SYCP3: variants seen among roughly 807,000 people sequenced by gnomAD.
SYCP3 encodes synaptonemal complex protein 3.
In SYCP3, 29 loss-of-function variants were observed where a neutral mutation model predicts 38.5. That is an observed-to-expected ratio of 0.75 (90% CI 0.56 to 1.03). SYCP3 has a LOEUF of 1.03. Ranked by LOEUF, SYCP3 falls within the 50% of genes least tolerant of loss-of-function variation. SYCP3 has a pLI of 0.00. For missense variants in SYCP3, 242 were observed against 270.7 expected (o/e 0.89, Z 0.74); for synonymous variants, 79 against 80.3 (o/e 0.98, Z 0.08).
chr12:101,734,843 G>T, intron 5 of SYCP3, 84 bp downstream of exon 5: 3 of 979,706 alleles, frequency 3.1e-6, no homozygotes, highest in Non-Finnish European at 3.3e-6. Context: ...CCACCGTGCC[G>T]ATCCTAGAAT....
rs1594158366 is a variant in SYCP3, at chr12:101,729,371, C to A, written c.553-158G>T. On this transcript the variant is annotated intron_variant, in intron 7 of 8. Transcript: ENST00000392924. ...TAAGTAATACATGAATACCAAAATACCTACTAAAAAAGAAAAAATATAAGA... is the reference window on the plus strand; with the variant it reads ...TAAGTAATACATGAATACCAAAATAACTACTAAAAAAGAAAAAATATAAGA... 8.2e-6 allele frequency: 6 copies of A among 730,428 alleles called. No homozygotes were observed. The East Asian group carries it at 1.1e-4, about 14-fold the overall frequency. 45.2% of individuals were successfully genotyped at this position (730,428 alleles called of 1,614,324 possible). A position where few individuals can be genotyped will look rare whatever the true frequency, so the allele number is the denominator to read the frequency against.
chr12:101,733,698 T>C (rs770427429), intron 5 of SYCP3, 24 bp from the exon 6 acceptor site: 14 of 1,592,438 alleles, frequency 8.8e-6, no homozygotes, highest in Admixed American at 5.0e-5. Flanking sequence ...TGATGAATTA[T>C]TGTCATATTT....
Position 101,733,506 on chromosome 12 carries a change from CAAT to C in SYCP3, c.453+66_453+68del, listed in dbSNP as rs1352111807. 22 of 1,395,004 alleles carry C rather than the reference CAAT, an allele frequency of 1.6e-5. No homozygotes were observed. In the South Asian group the frequency reaches 2.4e-4, roughly 15 times the overall value. 86.4% of individuals were successfully genotyped at this position (1,395,004 alleles called of 1,614,324 possible). On this transcript the variant is annotated intron_variant, in intron 6 of 8. Coordinates refer to ENST00000392924, the MANE Select transcript of SYCP3 (RefSeq NM_001177949.2). ...AAACCTGGCTCAGTTCCACTGGTCA[CAAT>C]AAAAGGCTAGGTTGTCCATTCCTAC...
In SYCP3 at chr12:101,735,851, T is replaced by TTATA. The variant is rs1157750107; in HGVS notation, c.236-811_236-808dup. ...AAAACTATTTTTAATATAATCAATT[T>TTATA]TATATATATATATATATATATTTTT... On this transcript the variant is annotated intron_variant, in intron 4 of 8. Transcript: ENST00000392924. Among the ~76,000 whole-genome samples, 21 of 96,066 alleles carry TTATA rather than the reference T, an allele frequency of 2.2e-4. 1 individual carries two copies. Among genetic ancestry groups the TTATA allele is most frequent in the African/African-American group, 6.5e-4 (14 of 21,662 alleles). 63.0% of individuals were successfully genotyped at this position (96,066 alleles called of 152,430 possible).
At chr12:101,729,474 TAAA>T in intron 7 of SYCP3, 1 of 347,784 alleles carries the variant, frequency 2.9e-6, no homozygotes, top group Non-Finnish European at 5.2e-6. Context: ...AAGGTCAAGA[TAAA>T]AAAGACTGGA....
chr12:101,735,855 A>G (rs1422884441), intron 4 of SYCP3, among the ~76,000 whole-genome samples: 4 of 88,316 alleles, frequency 4.5e-5, no homozygotes, highest in Non-Finnish European at 6.6e-5. Context: ...TCAATTTTAT[A>G]TATATATATA....
At chr12:101,730,429 T>G (rs1002270109) in intron 7 of SYCP3, 3 of 411,228 alleles carry the variant, frequency 7.3e-6, no homozygotes, top group South Asian at 3.6e-5. Context: ...TCTCAGAGCA[T>G]TGGAACAAGA....
At chr12:101,735,526 T>C (rs1024895777) in intron 4 of SYCP3, among the ~76,000 whole-genome samples, 3 of 152,062 alleles carry the variant, frequency 2.0e-5, no homozygotes, top group Admixed American at 1.3e-4. Flanking sequence ...CTGGGCGTGG[T>C]GGCGCACACC....
rs759119121 is a variant in SYCP3 at position 101,733,686 on chromosome 12, AATG to A, written c.354-15_354-13del. 2.4e-5 allele frequency: 39 copies of A among 1,605,134 alleles called. No individual in the cohort carries two copies. The highest frequency in any genetic ancestry group is 3.3e-5 in the Non-Finnish European group (39 of 1,177,156). The stretch of plus-strand genomic sequence containing the variant: ...GGTTAAGCTTCTGCCTGTAAAACAT[AATG>A]ATGAATTATTGTCATATTTCATACC... On this transcript the variant is annotated splice_polypyrimidine_tract_variant and intron_variant, in intron 5 of 8. Transcript: ENST00000392924.
At chr12:101,730,228 T>C (rs1464503383) in intron 7 of SYCP3, among the ~76,000 whole-genome samples, 1 of 152,074 alleles carries the variant, frequency 6.6e-6, no homozygotes, top group African/African-American at 2.4e-5. Flanking sequence ...GCAGTGGGCA[T>C]TAAAAGAAAG....
intron 4 of SYCP3, among the ~76,000 whole-genome samples, chr12:101,735,877 T>TTTTTTG (rs1566055867): frequency 9.3e-5 from 6 of 64,790 alleles, no homozygotes; most frequent in African/African-American, 3.2e-4. Context: ...ATATATTTTT[T>TTTTTTG]TTTTTTTAAA....
intron 1 of SYCP3, 43 bp from the exon 2 acceptor site, chr12:101,737,995 T>C (rs1433121840): frequency 4.4e-6 from 7 of 1,603,342 alleles, no homozygotes; most frequent in African/African-American, 4.0e-5. Flanking sequence ...TGCAAAGACA[T>C]CATTTTAATA....
chr12:101,735,131 G>T, intron 4 of SYCP3, 87 bp from the exon 5 acceptor site: 2 of 825,036 alleles, frequency 2.4e-6, no homozygotes, highest in Non-Finnish European at 4.0e-6. Context: ...GGTAAGGTTG[G>T]TTCAACAATA....
chr12:101,735,884 T>TTTTTTTTTTTTTTTTTAA, intron 4 of SYCP3, among the ~76,000 whole-genome samples: 1 of 137,174 alleles, frequency 7.3e-6, no homozygotes, highest in Admixed American at 7.3e-5. Flanking sequence ...TTTTTTTTTT[T>TTTTTTTTTTTTTTTTTAA]AAAGACACGG....
chr12:101,738,322 G>A (rs1365529813), intron 1 of SYCP3, among the ~76,000 whole-genome samples: 2 of 151,350 alleles, frequency 1.3e-5, no homozygotes, highest in Non-Finnish European at 2.9e-5. Flanking sequence ...CAGCTGCTCA[G>A]GAGGCTGAGG....
At chr12:101,738,573 C>A (rs961601959) in intron 1 of SYCP3, among the ~76,000 whole-genome samples, 10 of 149,688 alleles carry the variant, frequency 6.7e-5, no homozygotes, top group African/African-American at 2.2e-4. Context: ...CCCGTCTCTA[C>A]TAAAAATACA....
chr12:101,728,831 A>G lies in SYCP3; in HGVS notation c.*96T>C. The G allele has an allele frequency of 6.4e-7, 1 of 1,553,108 alleles. No homozygotes were observed. The highest frequency in any genetic ancestry group is 1.1e-5 in the South Asian group (1 of 87,044). On this transcript the variant is annotated 3_prime_UTR_variant, in exon 9 of 9. Transcript: ENST00000392924. Reference sequence around the variant, plus strand: ...AAACAGGTTTATGATTAAAGATGTTACAATTAAACTATTCTAAAGACTTAC... The same window carrying G: ...AAACAGGTTTATGATTAAAGATGTTGCAATTAAACTATTCTAAAGACTTAC...
chr12:101,730,621 G>A (rs1952152021), intron 7 of SYCP3: 2 of 324,894 alleles, frequency 6.2e-6, no homozygotes, highest in Admixed American at 4.3e-5. Context: ...AGCCTTCCCA[G>A]TAGCTGGGAC....
At chr12:101,729,922 G>A (rs1392696082) in intron 7 of SYCP3, among the ~76,000 whole-genome samples, 1 of 152,080 alleles carries the variant, frequency 6.6e-6, no homozygotes, top group Non-Finnish European at 1.5e-5. Context: ...CTAGGGGAAG[G>A]GCATAAGCAG....
Sources: gnomAD v4.1 joint callset for allele counts (sites outside exome capture counted in the v4.1 genomes callset) on GRCh38, gnomAD v4.1.1 for gene constraint, MANE v1.5 for transcripts, NCBI Gene and HGNC (gene_info 2026-07-23, HGNC 2026-07-21) for gene names.